CDKN2B-AS1: variants seen among roughly 807,000 people sequenced by gnomAD.
CDKN2B-AS1 encodes CDKN2B and CDKN2A antisense cis and trans regulatory RNA 1, also known as CDKN2B antisense RNA 1 (non-protein coding).
chr9:22,096,861 A>G (rs1825294039), intron 4 of CDKN2B-AS1, among the ~76,000 whole-genome samples: 1 of 152,112 alleles, frequency 6.6e-6, no homozygotes, highest in South Asian at 2.1e-4. Flanking sequence ...CTCAGGCATC[A>G]TCTGCTTGCC....
chr9:22,008,908 C>T (rs1263390814), intron 1 of CDKN2B-AS1: 1 of 1,612,974 alleles, frequency 6.2e-7, no homozygotes. Context: ...GCCAGACCCT[C>T]ATCGCTGCCG....
At chr9:22,084,592 C>T (rs1037165037) in intron 4 of CDKN2B-AS1, among the ~76,000 whole-genome samples, 2 of 152,024 alleles carry the variant, frequency 1.3e-5, no homozygotes, top group Admixed American at 6.6e-5. Context: ...GGGTTTTTGT[C>T]TCTGGGAGTT....
intron 1 of CDKN2B-AS1, among the ~76,000 whole-genome samples, chr9:22,010,809 C>G (rs1821460205): frequency 6.6e-6 from 1 of 152,176 alleles, no homozygotes; most frequent in Admixed American, 6.5e-5. Flanking sequence ...TTGAGTTTCT[C>G]TGAAACTTAT....
intron 4 of CDKN2B-AS1, among the ~76,000 whole-genome samples, chr9:22,086,101 A>G (rs1824860414): frequency 1.3e-5 from 2 of 152,164 alleles, no homozygotes; most frequent in Middle Eastern, 3.2e-3. Flanking sequence ...CTCCTACTCT[A>G]TCCCTTAATT....
intron 4 of CDKN2B-AS1, among the ~76,000 whole-genome samples, chr9:22,092,770 C>T (rs1825138206): frequency 6.6e-6 from 1 of 152,064 alleles, no homozygotes; most frequent in Non-Finnish European, 1.5e-5. Flanking sequence ...TTTCAAAAAA[C>T]CAGCTCCTGG....
At chr9:22,073,625 A>G (rs759987086) in intron 4 of CDKN2B-AS1, among the ~76,000 whole-genome samples, 5 of 152,186 alleles carry the variant, frequency 3.3e-5, no homozygotes, top group Non-Finnish European at 7.3e-5. Flanking sequence ...TTTATTTGAT[A>G]TGAAGAAACT....
chr9:22,059,659 G>A (rs1823728602), intron 4 of CDKN2B-AS1, among the ~76,000 whole-genome samples: 1 of 152,226 alleles, frequency 6.6e-6, no homozygotes, highest in Admixed American at 6.5e-5. Flanking sequence ...AGTGCCTAGG[G>A]ACTGTGTGTG....
chr9:22,121,562 A>G (rs1259845562), intron 4 of CDKN2B-AS1, among the ~76,000 whole-genome samples: 2 of 151,840 alleles, frequency 1.3e-5, no homozygotes. Flanking sequence ...CCTTCCCCCT[A>G]CTTTTCCTAG....
At chr9:22,040,682 G>A (rs1375725968) in intron 1 of CDKN2B-AS1, among the ~76,000 whole-genome samples, 1 of 152,020 alleles carries the variant, frequency 6.6e-6, no homozygotes, top group African/African-American at 2.4e-5. Flanking sequence ...ACAGAAGATT[G>A]GAGACTGTGT....
Position 22,001,577 on chromosome 9 carries a change from T to A in CDKN2B-AS1, n.29+6416T>A, listed in dbSNP as rs1587371615. On this transcript the variant is annotated intron_variant and non_coding_transcript_variant, in intron 1 of 4. Coordinates refer to ENST00000650946, the Ensembl canonical transcript of CDKN2B-AS1. This position sits in a 1 kb window ranked among gnomAD's most constrained non-coding sequence, Gnocchi z 4.2. ...TATACAATCCATGCCAATTACATAT[T>A]ATTAATTAGTGGCACTAGTATTAGT... Among the ~76,000 whole-genome samples the A allele has an allele frequency of 6.6e-6, 1 of 152,202 alleles. No individual in the cohort carries two copies. Among genetic ancestry groups the A allele is most frequent in the Non-Finnish European group, 1.5e-5 (1 of 67,992 alleles).
chr9:22,066,893 G>C (rs568775392), intron 4 of CDKN2B-AS1, among the ~76,000 whole-genome samples: 1 of 152,140 alleles, frequency 6.6e-6, no homozygotes, highest in Admixed American at 6.5e-5. Flanking sequence ...CCATAAAAAG[G>C]GATGAGTTCT....
At chr9:22,125,023 T>G (rs1025476564) in intron 4 of CDKN2B-AS1, among the ~76,000 whole-genome samples, 6 of 152,252 alleles carry the variant, frequency 3.9e-5, no homozygotes, top group African/African-American at 1.4e-4. Flanking sequence ...TCTCTCTATG[T>G]TTCTCTCTCA....
chr9:22,100,860 G>A (rs1281579973), intron 4 of CDKN2B-AS1, among the ~76,000 whole-genome samples: 1 of 152,146 alleles, frequency 6.6e-6, no homozygotes, highest in African/African-American at 2.4e-5. Context: ...TTGTGAAGTG[G>A]TACTTCATTG....
intron 1 of CDKN2B-AS1, among the ~76,000 whole-genome samples, chr9:22,040,195 C>A (rs917084060): frequency 1.4e-4 from 21 of 152,132 alleles, no homozygotes; most frequent in Admixed American, 3.9e-4. Flanking sequence ...GACTAACACA[C>A]CACTCTAACT....
Position 22,011,346 on chromosome 9 carries a change from CGAGAA to C in CDKN2B-AS1, n.29+16191_29+16195del, listed in dbSNP as rs1004348482. 1.8e-4 allele frequency among the ~76,000 whole-genome samples: 27 copies of C among 152,224 alleles called. 1 individual carries two copies. Among genetic ancestry groups the C allele is most frequent in the Admixed American group, 1.2e-3 (18 of 15,292 alleles). The stretch of plus-strand genomic sequence containing the variant: ...TATTATATAGTCTATATTTAGAAGA[CGAGAA>C]GAGAAATCAAACTTATTGTGTACTC... On this transcript the variant is annotated intron_variant and non_coding_transcript_variant, in intron 1 of 4. Transcript: ENST00000650946.
chr9:22,069,767 C>T (rs931370068), intron 4 of CDKN2B-AS1, among the ~76,000 whole-genome samples: 1 of 152,256 alleles, frequency 6.6e-6, no homozygotes, highest in South Asian at 2.1e-4. Context: ...ATTTATTCCT[C>T]CTATTGAATT....
At position 22,031,606 on chromosome 9, in the gene CDKN2B-AS1, T is replaced by G. The variant is rs1822473576; in HGVS notation, n.30-15145T>G. 2.0e-5 allele frequency among the ~76,000 whole-genome samples: 3 copies of G among 152,180 alleles called. No individual in the cohort carries two copies. In the South Asian group the frequency reaches 6.2e-4, roughly 32 times the overall value. On this transcript the variant is annotated intron_variant and non_coding_transcript_variant, in intron 1 of 4. Coordinates refer to ENST00000650946, the Ensembl canonical transcript of CDKN2B-AS1. ...GTATTTAGACCTGATTATTTTGTGGTAATTTGAATATAGGTCAATATGAAA... is the reference window on the plus strand; with the variant it reads ...GTATTTAGACCTGATTATTTTGTGGGAATTTGAATATAGGTCAATATGAAA...
At chr9:22,090,599 T>C (rs184091900) in intron 4 of CDKN2B-AS1, among the ~76,000 whole-genome samples, 28 of 152,338 alleles carry the variant, frequency 1.8e-4, no homozygotes, top group African/African-American at 4.6e-4. Flanking sequence ...CAATTTTTCA[T>C]GTGTCTTTTG....
At chr9:22,055,612 T>A (rs763205594) in intron 3 of CDKN2B-AS1, among the ~76,000 whole-genome samples, 1 of 152,230 alleles carries the variant, frequency 6.6e-6, no homozygotes, top group Non-Finnish European at 1.5e-5. Flanking sequence ...ACCTTGGTTT[T>A]CTGTGATTGA....
Sources: gnomAD v4.1 joint callset for allele counts (sites outside exome capture counted in the v4.1 genomes callset) on GRCh38, gnomAD v4.1.1 for gene constraint, Gnocchi (gnomAD v3.1) non-coding constraint, MANE v1.5 for transcripts, NCBI Gene and HGNC (gene_info 2026-07-23, HGNC 2026-07-21) for gene names.